Variants in SEC63 observed in about 807,000 individuals in gnomAD.
The protein encoded by SEC63 is SEC63 protein translocation regulator, also known as translocation protein SEC63 homolog.
SEC63 carries 56 observed loss-of-function variants against 116.2 expected under a neutral mutation model. That is an observed-to-expected ratio of 0.48 (90% confidence interval 0.39 to 0.60). The LOEUF (loss-of-function observed/expected upper bound fraction) is 0.60. Among genes scored for constraint, SEC63 ranks in the 20% least tolerant of loss-of-function variants. SEC63 has a pLI of 0.00. For synonymous variants in SEC63, 273 were observed against 294.6 expected, an observed-to-expected ratio of 0.93 and a Z score of 0.75; for missense variants, 668 against 900.0, an observed-to-expected ratio of 0.74 and a Z score of 3.30.
chr6:107,880,580 C>T (rs1158896297), intron 18 of SEC63, among the ~76,000 whole-genome samples: 4 of 152,124 alleles, frequency 2.6e-5, no homozygotes, highest in South Asian at 2.1e-4. Context: ...GTCCTGAGCC[C>T]GGGGCTCAGT....
chr6:107,879,534 A>C lies in SEC63; in HGVS notation c.1935+1615T>G, dbSNP rs775470801. ...GAGACGGGGTTTTGCCATGTTGGCC[A>C]GGCTGGTCTCAAACTCCTGACCTCA... On this transcript the variant is annotated intron_variant, in intron 18 of 20. Coordinates refer to ENST00000369002, the MANE Select transcript of SEC63 (RefSeq NM_007214.5). Among the ~76,000 whole-genome samples the C allele has an allele frequency of 4.6e-4, 70 of 152,268 alleles. 1 individual carries two copies. The highest frequency in any genetic ancestry group is 1.9e-4 in the Non-Finnish European group (13 of 68,016).
rs763213315 is a variant in SEC63 at position 107,909,044 on chromosome 6, C to CA, written c.625-10dup. 64 of 1,574,852 alleles carry CA rather than the reference C, an allele frequency of 4.1e-5. No individual in the cohort carries two copies. The highest frequency in any genetic ancestry group is 9.5e-5 in the African/African-American group (7 of 73,878). On this transcript the variant is annotated splice_polypyrimidine_tract_variant and intron_variant, in intron 7 of 20. Transcript: ENST00000369002. ...CGATACCACCAAGAGCCCTAAAACA[C>CA]AAAAAAAATTAAACAAGAAAGAAAG... is the stretch of plus-strand genomic sequence containing the variant.
chr6:107,903,678 C>T (rs1293062556), intron 11 of SEC63, among the ~76,000 whole-genome samples: 10 of 151,978 alleles, frequency 6.6e-5, no homozygotes, highest in Admixed American at 6.6e-4. Context: ...GGACTCCAGC[C>T]CTGGTAGATG....
chr6:107,889,538 C>T (rs1583731286), intron 16 of SEC63, among the ~76,000 whole-genome samples: 1 of 151,968 alleles, frequency 6.6e-6, no homozygotes, highest in Non-Finnish European at 1.5e-5. Flanking sequence ...AAAAAACTAG[C>T]TCCTTGGATT....
chr6:107,945,579 C>G (rs1326449776), intron 1 of SEC63, among the ~76,000 whole-genome samples: 3 of 151,994 alleles, frequency 2.0e-5, no homozygotes, highest in Non-Finnish European at 2.9e-5. Context: ...GCTGGGATTA[C>G]AGGCGTGAGC....
rs183693620 is a variant in SEC63, at chr6:107,918,293, C to T, written c.452+3504G>A. Among the ~76,000 whole-genome samples the T allele has an allele frequency of 8.3e-4, 127 of 152,164 alleles. 1 individual carries two copies. The highest frequency in any genetic ancestry group is 1.3e-3 in the Non-Finnish European group (91 of 68,014). ...TCAAAAGATTACTGCTCATTGACAACGCACGTGGTCACTCAAGAACTCTGA... is the reference window on the plus strand; with the variant it reads ...TCAAAAGATTACTGCTCATTGACAATGCACGTGGTCACTCAAGAACTCTGA... On this transcript the variant is annotated intron_variant, in intron 4 of 20. Transcript: ENST00000369002.
rs2114454127 is a variant in SEC63 at position 107,909,031 on chromosome 6, G to A, written c.629C>T (p.Ser210Phe). ...ATAGCGTATTGAGCGATACCACCAA[G>A]AGCCCTAAAACACAAAAAAAATTAA... ...FMVILPVVVGSWWYRSIRYSG... is the reference protein window; with the variant it reads ...FMVILPVVVGFWWYRSIRYSG... The change falls in exon 8 of 21, where the codon TCT becomes TTT. Residue 210 changes from serine (S) to phenylalanine (F), a missense_variant. Coordinates refer to ENST00000369002, the MANE Select transcript of SEC63 (RefSeq NM_007214.5). The A allele has an allele frequency of 6.2e-7, 1 of 1,607,362 alleles. No homozygotes were observed. Among genetic ancestry groups the A allele is most frequent in the Non-Finnish European group, 8.5e-7 (1 of 1,174,294 alleles).
chr6:107,912,151 AT>A (rs1414262016), intron 6 of SEC63, among the ~76,000 whole-genome samples: 9 of 152,322 alleles, frequency 5.9e-5, no homozygotes, highest in Admixed American at 2.0e-4. Flanking sequence ...TTAGACAATT[AT>A]TTTCAAGAAA....
intron 3 of SEC63, among the ~76,000 whole-genome samples, chr6:107,923,080 T>C (rs1787594992): frequency 6.6e-6 from 1 of 152,198 alleles, no homozygotes; most frequent in African/African-American, 2.4e-5. Context: ...TAAAAAATTA[T>C]ATATTTTTAT....
chr6:107,876,064 C>A (rs488399), intron 19 of SEC63, among the ~76,000 whole-genome samples: 20 of 152,124 alleles, frequency 1.3e-4, no homozygotes, highest in East Asian at 1.9e-4. Flanking sequence ...AACACACACA[C>A]AAAAAAAACA....
intron 16 of SEC63, among the ~76,000 whole-genome samples, chr6:107,884,521 A>G (rs1416473438): frequency 1.3e-5 from 2 of 152,126 alleles, no homozygotes; most frequent in East Asian, 3.8e-4. Flanking sequence ...GCTAAAATCA[A>G]TAAGAAAAAT....
intron 1 of SEC63, among the ~76,000 whole-genome samples, chr6:107,945,919 ATT>A (rs1491280078): frequency 6.6e-6 from 1 of 151,620 alleles, no homozygotes; most frequent in African/African-American, 2.4e-5. Flanking sequence ...TTTTTCCTGT[ATT>A]TTGTTTGTTT....
In SEC63 at chr6:107,907,306, C is replaced by T. The variant is rs559553434; in HGVS notation, c.734-529G>A. 7.2e-5 allele frequency among the ~76,000 whole-genome samples: 11 copies of T among 152,260 alleles called. 1 individual carries two copies. Among genetic ancestry groups the T allele is most frequent in the African/African-American group, 2.2e-4 (9 of 41,570 alleles). ...AAACCCTCAGGCCAGTGGTGGCTCACGCCTGTAATCCCAGCACTTTGGGAG... is the reference window on the plus strand; with the variant it reads ...AAACCCTCAGGCCAGTGGTGGCTCATGCCTGTAATCCCAGCACTTTGGGAG... On this transcript the variant is annotated intron_variant, in intron 8 of 20. Coordinates refer to ENST00000369002, the MANE Select transcript of SEC63 (RefSeq NM_007214.5).
chr6:107,943,407 A>G (rs888368611), intron 1 of SEC63, among the ~76,000 whole-genome samples: 2 of 152,254 alleles, frequency 1.3e-5, no homozygotes, highest in Non-Finnish European at 2.9e-5. Flanking sequence ...TTATGCATTT[A>G]TAACATACCT....
At position 107,869,905 on chromosome 6, in the gene SEC63, A is replaced by T. The variant is rs1417313268; in HGVS notation, c.*1799T>A. 2.1e-5 allele frequency: 1 copy of T among 46,720 alleles called. No homozygotes were observed. Among genetic ancestry groups the T allele is most frequent in the African/African-American group, 5.0e-5 (1 of 20,112 alleles). The allele number at this position is 46,720 out of a possible 1,614,324, so 2.9% of individuals were successfully genotyped here. A position where few individuals can be genotyped will look rare whatever the true frequency, so the allele number is the denominator to read the frequency against. ...CTTTAAGGCAAAGTAGCCACTAGAAAAAAAAAAACAACTTTTCTTGAAATC... is the reference window on the plus strand; with the variant it reads ...CTTTAAGGCAAAGTAGCCACTAGAATAAAAAAAACAACTTTTCTTGAAATC... On this transcript the variant is annotated 3_prime_UTR_variant, in exon 21 of 21. Coordinates refer to ENST00000369002, the MANE Select transcript of SEC63 (RefSeq NM_007214.5).
intron 13 of SEC63, 33 bp from the exon 14 acceptor site, chr6:107,897,764 A>C: frequency 6.9e-7 from 1 of 1,446,844 alleles, no homozygotes; most frequent in South Asian, 1.1e-5. Context: ...ACAGCAAAAA[A>C]TAAAAATCAA....
chr6:107,954,871 G>A (rs1043970349), intron 1 of SEC63: 1 of 152,150 alleles, frequency 6.6e-6, no homozygotes, highest in Non-Finnish European at 1.5e-5. Context: ...AAGTCCAAGT[G>A]GTGCCCAACA....
chr6:107,886,812 G>C (rs972056979), intron 16 of SEC63, among the ~76,000 whole-genome samples: 1 of 143,772 alleles, frequency 7.0e-6, no homozygotes, highest in South Asian at 2.2e-4. Context: ...TGGGTTGCCT[G>C]TTCACTCTGA....
At chr6:107,876,694 A>AAG (rs1583720756) in intron 18 of SEC63, 32 bp from the exon 19 acceptor site, 2 of 1,222,360 alleles carry the variant, frequency 1.6e-6, no homozygotes, top group South Asian at 2.5e-5. Flanking sequence ...AAAAAAGAAG[A>AAG]GGGGTATAAA....
Sources: allele counts gnomAD v4.1 joint callset (sites outside exome capture counted in the v4.1 genomes callset), GRCh38; gene constraint gnomAD v4.1.1; transcripts MANE v1.5; gene names NCBI Gene and HGNC (gene_info 2026-07-23, HGNC 2026-07-21).